COL22A1: variants seen among roughly 807,000 people sequenced by gnomAD.
COL22A1 encodes the protein collagen alpha-1(XXII) chain.
In COL22A1, 221 loss-of-function variants were observed where a neutral mutation model predicts 248.9. The ratio of observed to expected loss-of-function variants is 0.89; its 90% CI spans 0.80 to 0.99. The LOEUF is 0.99. Among genes scored for constraint, COL22A1 ranks in the 50% least tolerant of loss-of-function variants. COL22A1 has a pLI of 0.00. For synonymous variants in COL22A1, 891 were observed against 793.4 expected (o/e 1.12, Z -2.07); for missense variants, 2,240 against 2,179.0 (o/e 1.03, Z -0.56).
At chr8:138,765,134 C>CT (rs2131415266) in intron 16 of COL22A1, among the ~76,000 whole-genome samples, 1 of 152,274 alleles carries the variant, frequency 6.6e-6, no homozygotes, top group Non-Finnish European at 1.5e-5. Flanking sequence ...AATGAGGAAA[C>CT]TGAGGCCGGA....
At chr8:138,764,902 G>A (rs1833791256) in intron 16 of COL22A1, among the ~76,000 whole-genome samples, 1 of 152,344 alleles carries the variant, frequency 6.6e-6, no homozygotes, top group East Asian at 1.9e-4. Flanking sequence ...GTTGCAGTGA[G>A]CCGAGATCGT....
chr8:138,621,781 T>C (rs1819823742), intron 52 of COL22A1, among the ~76,000 whole-genome samples: 2 of 152,210 alleles, frequency 1.3e-5, no homozygotes, highest in African/African-American at 4.8e-5. Context: ...AAGTGCTCAG[T>C]GCCCCACCCT....
At chr8:138,785,628 A>T (rs1586740544) in intron 12 of COL22A1, among the ~76,000 whole-genome samples, 2 of 152,204 alleles carry the variant, frequency 1.3e-5, no homozygotes, top group South Asian at 4.2e-4. Context: ...AGAGGCAGGG[A>T]TGTCTTGATG....
At chr8:138,662,818 G>C (rs997637235) in intron 42 of COL22A1, among the ~76,000 whole-genome samples, 9 of 152,110 alleles carry the variant, frequency 5.9e-5, no homozygotes, top group African/African-American at 2.2e-4. Flanking sequence ...ACTACGTAGT[G>C]CCTCAATTTC....
chr8:138,791,313 T>A (rs909945149), intron 12 of COL22A1, among the ~76,000 whole-genome samples: 1 of 152,126 alleles, frequency 6.6e-6, no homozygotes, highest in African/African-American at 2.4e-5. Context: ...CACGGAAAGA[T>A]AAACCTAGAA....
intron 43 of COL22A1, among the ~76,000 whole-genome samples, chr8:138,661,479 C>T (rs750761399): frequency 5.3e-5 from 8 of 152,200 alleles, no homozygotes; most frequent in South Asian, 2.1e-4. Flanking sequence ...GTGCCTGGCA[C>T]GCTGCTGGGC....
At chr8:138,747,938 T>C (rs1832262810) in intron 22 of COL22A1, among the ~76,000 whole-genome samples, 1 of 152,140 alleles carries the variant, frequency 6.6e-6, no homozygotes, top group Non-Finnish European at 1.5e-5. Flanking sequence ...CAGCAGAGCC[T>C]CAACTAGAAG....
chr8:138,588,979 A>G lies in COL22A1; in HGVS notation c.*274T>C. The G allele has an allele frequency of 3.4e-6, 1 of 292,840 alleles. No homozygotes were observed. The highest frequency in any genetic ancestry group is 6.2e-6 in the Non-Finnish European group (1 of 161,058). The allele number at this position is 292,840 out of a possible 1,614,324, so 18.1% of individuals were successfully genotyped here. A position where few individuals can be genotyped will look rare whatever the true frequency, so the allele number is the denominator to read the frequency against. ...ACGAATCAAGTTTTCCCAACTTTAA[A>G]GGAGTGGAAAAGAACTCACAAAGCA... On this transcript the variant is annotated 3_prime_UTR_variant, in exon 65 of 65. Transcript: ENST00000303045.
chr8:138,748,560 A>G (rs142135379), intron 22 of COL22A1, among the ~76,000 whole-genome samples: 9 of 152,328 alleles, frequency 5.9e-5, no homozygotes, highest in African/African-American at 2.2e-4. Context: ...CAGAGCTGTT[A>G]TGGGAGCTGC....
In COL22A1 at chr8:138,594,099, T is replaced by C. The variant is rs771428130; in HGVS notation, c.4533A>G (p.Pro1511=). ...GCTCCCCCATGGGGCCGGCCCGGCCTGGAAGCCCATCTTTTCCAGGGGGCC... is the reference window on the plus strand; with the variant it reads ...GCTCCCCCATGGGGCCGGCCCGGCCCGGAAGCCCATCTTTTCCAGGGGGCC... ...PPGPPGKDGL[P]GRAGPMGEPG... The change falls in exon 63 of 65, where the codon CCA becomes CCG. Residue 1511 remains proline, a synonymous_variant. Transcript: ENST00000303045. 3.2e-6 allele frequency: 5 copies of C among 1,582,064 alleles called. No homozygotes were observed. The highest frequency in any genetic ancestry group is 1.4e-5 in the African/African-American group (1 of 71,930).
intron 49 of COL22A1, among the ~76,000 whole-genome samples, chr8:138,632,149 G>A (rs1008559015): frequency 1.3e-5 from 2 of 152,108 alleles, no homozygotes; most frequent in East Asian, 1.9e-4. Flanking sequence ...AGGAAGGGGA[G>A]GAGCAATGCG....
At chr8:138,793,873 G>A (rs920633692) in intron 12 of COL22A1, among the ~76,000 whole-genome samples, 2 of 152,180 alleles carry the variant, frequency 1.3e-5, no homozygotes, top group African/African-American at 2.4e-5. Context: ...GAACACACGC[G>A]AAGGACACAT....
chr8:138,597,230 C>A (rs552167185), intron 61 of COL22A1, among the ~76,000 whole-genome samples: 7 of 152,224 alleles, frequency 4.6e-5, no homozygotes, highest in African/African-American at 9.7e-5. Context: ...ACCCTTCCAG[C>A]GTATTCACTG....
intron 12 of COL22A1, 105 bp from the exon 13 acceptor site, chr8:138,781,085 CCAAGACTGCTGCTCAAAAATTGATCCA>C: frequency 2.5e-6 from 2 of 787,612 alleles, no homozygotes; most frequent in Non-Finnish European, 4.2e-6. Flanking sequence ...GAAATTGTGA[CCAAGACTGCTGCTCAAAAATTGATCCA>C]CAAGCCTGCA....
At chr8:138,609,252 C>T (rs1194609675) in intron 56 of COL22A1, among the ~76,000 whole-genome samples, 1 of 152,206 alleles carries the variant, frequency 6.6e-6, no homozygotes, top group Non-Finnish European at 1.5e-5. Context: ...TGCTAAGCCA[C>T]CTGCCTGCGA....
At chr8:138,729,966 A>T (rs1248684853) in intron 23 of COL22A1, among the ~76,000 whole-genome samples, 1 of 152,094 alleles carries the variant, frequency 6.6e-6, no homozygotes, top group South Asian at 2.1e-4. Context: ...CTGGTGAGGG[A>T]GGGGTAGGAG....
chr8:138,600,569 C>G (rs1435242240), intron 60 of COL22A1, among the ~76,000 whole-genome samples: 1 of 152,102 alleles, frequency 6.6e-6, no homozygotes, highest in Non-Finnish European at 1.5e-5. Flanking sequence ...AGATAAAAAG[C>G]CAAAGCCCTG....
intron 45 of COL22A1, among the ~76,000 whole-genome samples, chr8:138,653,923 C>T (rs115988511): frequency 6.6e-6 from 1 of 152,184 alleles, no homozygotes; most frequent in Non-Finnish European, 1.5e-5. Context: ...CCAGGCAAAG[C>T]TCAGCTCTGT....
At chr8:138,723,292 AAG>A (rs1423231462) in intron 25 of COL22A1, among the ~76,000 whole-genome samples, 70 of 152,104 alleles carry the variant, frequency 4.6e-4, no homozygotes, top group Admixed American at 2.6e-4. Context: ...GACTAGTGAA[AAG>A]ACAGCCCCGC....
Sources: allele counts gnomAD v4.1 joint callset (sites outside exome capture counted in the v4.1 genomes callset), GRCh38; gene constraint gnomAD v4.1.1; transcripts MANE v1.5; gene names NCBI Gene and HGNC (gene_info 2026-07-23, HGNC 2026-07-21).